Variants in ANKS1B observed in about 807,000 individuals in gnomAD.
ANKS1B encodes the protein ankyrin repeat and sterile alpha motif domain containing 1B.
A neutral mutation model predicts 148.3 loss-of-function variants in ANKS1B; 36 were observed. The ratio of observed to expected loss-of-function variants is 0.24; its 90% confidence interval spans 0.19 to 0.32. The LOEUF (loss-of-function observed/expected upper bound fraction) is 0.32, where lower values mean the gene tolerates loss of function less well. ANKS1B is among the 10% of genes least tolerant of loss of function. The pLI is 1.00. For synonymous variants in ANKS1B, 542 were observed against 560.8 expected (o/e 0.97, Z 0.47); for missense variants, 1,157 against 1,542.6 (o/e 0.75, Z 4.19).
intron 1 of ANKS1B, among the ~76,000 whole-genome samples, chr12:99,922,750 G>A (rs1014007405): frequency 1.3e-5 from 2 of 152,068 alleles, no homozygotes; most frequent in Non-Finnish European, 2.9e-5. Context: ...AAATTCAAGA[G>A]GTGATTAGGG....
At chr12:98,901,387 A>G (rs2099771799) in intron 17 of ANKS1B, among the ~76,000 whole-genome samples, 1 of 152,334 alleles carries the variant, frequency 6.6e-6, no homozygotes, top group East Asian at 1.9e-4. Flanking sequence ...GACTCTGGAC[A>G]GCGTCCACAC....
At chr12:99,779,373 CT>C (rs1336805931) in intron 6 of ANKS1B, among the ~76,000 whole-genome samples, 1 of 152,200 alleles carries the variant, frequency 6.6e-6, no homozygotes, top group Admixed American at 6.5e-5. Flanking sequence ...TAGATACAAG[CT>C]CTGCCACTTA....
intron 17 of ANKS1B, among the ~76,000 whole-genome samples, chr12:98,978,652 A>AT (rs1334552917): frequency 1.3e-5 from 2 of 152,000 alleles, no homozygotes; most frequent in Non-Finnish European, 2.9e-5. Flanking sequence ...CAGATATTCC[A>AT]TTTTTTGTCT....
intron 17 of ANKS1B, among the ~76,000 whole-genome samples, chr12:98,864,422 G>C (rs1233735179): frequency 6.6e-6 from 1 of 152,176 alleles, no homozygotes; most frequent in Non-Finnish European, 1.5e-5. Flanking sequence ...CCAGATATGT[G>C]ATCAAACATT....
rs1189843833 is a variant in ANKS1B, at chr12:98,751,925, G to A, written c.3580-403C>T. Among the ~76,000 whole-genome samples the A allele has an allele frequency of 6.6e-6, 1 of 152,232 alleles. No homozygotes were observed. Among genetic ancestry groups the A allele is most frequent in the East Asian group, 1.9e-4 (1 of 5,202 alleles). ...AGCTCAAAGTCATGCCTCTGCTCAT[G>A]TGAGATAAATGCATATCAGATTGCT... On this transcript the variant is annotated intron_variant, in intron 25 of 26. Coordinates refer to ENST00000683438, the MANE Select transcript of ANKS1B (RefSeq NM_001352186.2). The surrounding 1 kb of genome is among the most constrained non-coding windows in gnomAD (Gnocchi z 4.3).
intron 12 of ANKS1B, among the ~76,000 whole-genome samples, chr12:99,360,429 A>T (rs2092374363): frequency 6.6e-6 from 1 of 152,126 alleles, no homozygotes; most frequent in South Asian, 2.1e-4. Context: ...ATAATATACT[A>T]TACATAATTG....
rs757097093 is a variant in ANKS1B at position 99,246,440 on chromosome 12, G to A, written c.2181C>T (p.Ile727=). The A allele has an allele frequency of 9.3e-6, 15 of 1,613,814 alleles. No homozygotes were observed. The highest frequency in any genetic ancestry group is 1.2e-5 in the Non-Finnish European group (14 of 1,179,836). ...AGACACTTTTTGACAAATGCATGTC[G>A]ATCAAGGCTTTAGGCAATGACCTTA... ...GRIRSLPKAL[I]DMHLSKSVSK... is the part of the protein sequence containing the mutation. Residue 727 remains isoleucine (I), a synonymous_variant, in exon 13 of 27, where the codon ATC becomes ATT. Coordinates refer to ENST00000683438, the MANE Select transcript of ANKS1B (RefSeq NM_001352186.2).
chr12:99,076,387 T>C (rs889533253), intron 16 of ANKS1B, among the ~76,000 whole-genome samples: 2 of 152,100 alleles, frequency 1.3e-5, no homozygotes, highest in Non-Finnish European at 2.9e-5. Context: ...AAGCAGCTAA[T>C]GAAACAATAT....
intron 8 of ANKS1B, among the ~76,000 whole-genome samples, chr12:99,688,845 A>G (rs2098663966): frequency 6.6e-6 from 1 of 151,870 alleles, no homozygotes; most frequent in South Asian, 2.1e-4. Context: ...TGTCTCTAAA[A>G]TAATAATAAT....
chr12:99,670,988 A>T (rs943819396), intron 8 of ANKS1B, among the ~76,000 whole-genome samples: 2 of 152,160 alleles, frequency 1.3e-5, no homozygotes, highest in Admixed American at 6.5e-5. Context: ...TCTACTTCTT[A>T]TTCTACTGAG....
chr12:99,671,287 T>C (rs7962832), intron 8 of ANKS1B, among the ~76,000 whole-genome samples: 3,316 of 152,238 alleles, frequency 0.022, 133 homozygotes, highest in African/African-American at 0.076. Flanking sequence ...CTTAGATGAC[T>C]ATAAAATAGA....
At chr12:99,677,763 G>A (rs1296859712) in intron 8 of ANKS1B, among the ~76,000 whole-genome samples, 1 of 152,052 alleles carries the variant, frequency 6.6e-6, no homozygotes, top group Non-Finnish European at 1.5e-5. Context: ...CACGAGGTCA[G>A]GAGATCGAGA....
At chr12:99,805,277 A>AAAAAAAAG (rs1245681552) in intron 4 of ANKS1B, among the ~76,000 whole-genome samples, 2 of 147,484 alleles carry the variant, frequency 1.4e-5, no homozygotes, top group Admixed American at 6.8e-5. Context: ...AAAAAAAAAA[A>AAAAAAAAG]AAAAAAAAAA....
rs879394150 is a variant in ANKS1B, at chr12:99,008,569, G to A, written c.2778+44588C>T. 3.3e-5 allele frequency among the ~76,000 whole-genome samples: 5 copies of A among 152,194 alleles called. No homozygotes were observed. In the East Asian group the frequency reaches 7.7e-4, roughly 23 times the overall value. On this transcript the variant is annotated intron_variant, in intron 17 of 26. Coordinates refer to ENST00000683438, the MANE Select transcript of ANKS1B (RefSeq NM_001352186.2). ...CAGCCTTCATAGCAATCAGCCACTC[G>A]GGACTTTCTTGCAGTCTGAGCTCAA...
intron 1 of ANKS1B, among the ~76,000 whole-genome samples, chr12:99,874,020 C>T (rs2091823976): frequency 7.2e-6 from 1 of 139,522 alleles, no homozygotes; most frequent in African/African-American, 3.4e-5. Flanking sequence ...CTCTCTCTCT[C>T]ACATATATAT....
intron 9 of ANKS1B, among the ~76,000 whole-genome samples, chr12:99,528,432 C>CAAAAAAAAAAAAAAAAAAA (rs537716638): frequency 1.0e-5 from 1 of 96,692 alleles, no homozygotes; most frequent in Non-Finnish European, 2.2e-5. Context: ...AAAACAAAAA[C>CAAAAAAAAAAAAAAAAAAA]AAAAAAAAAA....
chr12:99,248,556 T>C (rs559606196), intron 12 of ANKS1B, among the ~76,000 whole-genome samples: 5 of 152,244 alleles, frequency 3.3e-5, no homozygotes, highest in Non-Finnish European at 7.3e-5. Flanking sequence ...ACTGTCTTGA[T>C]AACTCTCTAT....
At chr12:99,053,084 T>C (rs2099967328) in intron 17 of ANKS1B, 73 bp downstream of exon 17, 1 of 1,375,060 alleles carries the variant, frequency 7.3e-7, no homozygotes, top group Non-Finnish European at 9.7e-7. Context: ...GTCCAAACAC[T>C]TATAAAAAAA....
chr12:99,443,922 T>C (rs1567112192), intron 10 of ANKS1B, 113 bp from the exon 11 acceptor site: 11 of 1,230,206 alleles, frequency 8.9e-6, no homozygotes, highest in Non-Finnish European at 1.2e-5. Flanking sequence ...CTGGTATCAA[T>C]TACAAGATCA....
Sources: allele counts gnomAD v4.1 joint callset (sites outside exome capture counted in the v4.1 genomes callset), GRCh38; gene constraint gnomAD v4.1.1; non-coding constraint Gnocchi (gnomAD v3.1); transcripts MANE v1.5; gene names NCBI Gene and HGNC (gene_info 2026-07-23, HGNC 2026-07-21).